FGFR3: variants seen among roughly 807,000 people sequenced by gnomAD.
The protein encoded by FGFR3 is fibroblast growth factor receptor 3.
A neutral mutation model predicts 82.9 loss-of-function variants in FGFR3; 25 were observed. The ratio of observed to expected loss-of-function variants is 0.30; its 90% CI spans 0.22 to 0.42. The LOEUF (loss-of-function observed/expected upper bound fraction) is 0.42, where lower values mean the gene tolerates loss of function less well. Among genes scored for constraint, FGFR3 ranks in the 10% least tolerant of loss-of-function variants. FGFR3 has a pLI of 1.00. For missense variants in FGFR3, 1,026 were observed against 1,161.0 expected, an observed-to-expected ratio of 0.88 and a Z score of 1.69; for synonymous variants, 620 against 516.0, an observed-to-expected ratio of 1.20 and a Z score of -2.73.
At chr4:1,797,291 C>G (rs901459177) in intron 2 of FGFR3, among the ~76,000 whole-genome samples, 1 of 152,190 alleles carries the variant, frequency 6.6e-6, no homozygotes, top group Non-Finnish European at 1.5e-5. Context: ...ACTTATAGCA[C>G]CCACTCATGC....
chr4:1,804,959 T>G lies in FGFR3; in HGVS notation c.1402T>G (p.Ser468Ala). ...ELPADPKWEL[S>A]RARLTLGKPL... ...GCCTGCCGACCCCAAATGGGAGCTG[T>G]CTCGGGCCCGGTCAGTGGTGCTGAG... The change falls in exon 10 of 18, where the codon TCT becomes GCT. Residue 468 changes from serine (S) to alanine (A), a missense_variant. Ser to Ala is a moderately conservative substitution (Grantham distance 99). Coordinates refer to ENST00000440486, the MANE Select transcript of FGFR3 (RefSeq NM_000142.5). The G allele has an allele frequency of 6.5e-7, 1 of 1,549,942 alleles. No homozygotes were observed. Among genetic ancestry groups the G allele is most frequent in the Non-Finnish European group, 8.7e-7 (1 of 1,146,654 alleles).
chr4:1,797,953 C>T (rs935085731), intron 2 of FGFR3, among the ~76,000 whole-genome samples: 12 of 152,148 alleles, frequency 7.9e-5, no homozygotes, highest in Non-Finnish European at 1.8e-4. Flanking sequence ...CACGCGTCTG[C>T]AGAATGACAA....
chr4:1,797,763 G>A (rs3135859), intron 2 of FGFR3, among the ~76,000 whole-genome samples: 1 of 152,234 alleles, frequency 6.6e-6, no homozygotes, highest in Non-Finnish European at 1.5e-5. Context: ...TGTGGGTCCC[G>A]GTGGGGCGAG....
intron 2 of FGFR3, among the ~76,000 whole-genome samples, chr4:1,796,405 C>T (rs945886446): frequency 6.6e-6 from 1 of 152,128 alleles, no homozygotes; most frequent in African/African-American, 2.4e-5. Context: ...GGGCCCCCTC[C>T]TCTTAGGCTA....
chr4:1,799,157 C>T lies in FGFR3; in HGVS notation c.110-97C>T, dbSNP rs912060850. 3.2e-6 allele frequency: 5 copies of T among 1,558,858 alleles called. No homozygotes were observed. The African/African-American group carries it at 5.4e-5, about 17-fold the overall frequency. On this transcript the variant is annotated intron_variant, in intron 2 of 17. Coordinates refer to ENST00000440486, the MANE Select transcript of FGFR3 (RefSeq NM_000142.5). The stretch of plus-strand genomic sequence containing the variant: ...TGGGACCCTGGATCTGGGTCAGAGC[C>T]TTCCTCACTCAGGGCCGCCGAGGCT...
chr4:1,801,237 C>A, intron 4 of FGFR3, 130 bp from the exon 5 acceptor site: 1 of 1,061,006 alleles, frequency 9.4e-7, no homozygotes, highest in Non-Finnish European at 1.4e-6. Flanking sequence ...GAACCTCATC[C>A]CGCCCTCTTC....
intron 4 of FGFR3, among the ~76,000 whole-genome samples, chr4:1,800,151 C>T (rs533296606): frequency 2.6e-4 from 40 of 151,990 alleles, no homozygotes; most frequent in Non-Finnish European, 5.1e-4. Flanking sequence ...CAGACATTAG[C>T]GCAGCAGGGC....
intron 5 of FGFR3, 26 bp from the exon 6 acceptor site, chr4:1,801,590 GCTCA>G (rs745530823): frequency 2.5e-6 from 4 of 1,593,074 alleles, no homozygotes; most frequent in Non-Finnish European, 3.4e-6. Context: ...TGCTGCCTCC[GCTCA>G]CTCACCCGCC....
chr4:1,794,001 G>C lies in FGFR3; in HGVS notation c.67G>C (p.Glu23Gln), dbSNP rs1577253714. The change falls in exon 2 of 18, where the codon GAG (glutamate) becomes CAG (glutamine). Residue 23 changes from glutamate (E) to glutamine (Q), a missense_variant. Glu to Gln is a conservative substitution (Grantham distance 29, BLOSUM62 2). This residue lies in a region of FGFR3 where 226 missense variants were observed against 222.0 expected (regional missense o/e 1.02). Coordinates refer to ENST00000440486, the MANE Select transcript of FGFR3 (RefSeq NM_000142.5). ...AVAIVAGASS[E>Q]SLGTEQRVVG... ...GGCCATCGTGGCCGGCGCCTCCTCG[G>C]AGTCCTTGGGGACGGAGCAGCGCGT... 5 of 1,398,782 alleles carry C rather than the reference G, an allele frequency of 3.6e-6. No individual in the cohort carries two copies. Among genetic ancestry groups the C allele is most frequent in the Non-Finnish European group, 4.7e-6 (5 of 1,064,420 alleles). 86.6% of individuals were successfully genotyped at this position (1,398,782 alleles called of 1,614,324 possible).
rs144953313 is a variant in FGFR3, at chr4:1,807,938, C to G, written c.*676C>G. 1 of 262,138 alleles carries G rather than the reference C, an allele frequency of 3.8e-6. No individual in the cohort carries two copies. Among genetic ancestry groups the G allele is most frequent in the Admixed American group, 5.0e-5 (1 of 20,066 alleles). 16.2% of individuals were successfully genotyped at this position (262,138 alleles called of 1,614,324 possible). On this transcript the variant is annotated 3_prime_UTR_variant, in exon 18 of 18. Transcript: ENST00000440486. ...ATAACATATATGGAAGAGGAAAAGG[C>G]TGGTACAACGGAGGCCTGCGACCCT...
Position 1,801,733 on chromosome 4 carries a change from G to A in FGFR3, c.729G>A (p.Leu243=), listed in dbSNP as rs2108782373. 6.2e-7 allele frequency: 1 copy of A among 1,605,582 alleles called. No individual in the cohort carries two copies. The highest frequency in any genetic ancestry group is 2.2e-5 in the East Asian group (1 of 44,536). Residue 243 remains leucine (L), a synonymous_variant, in exon 6 of 18, where the codon CTG becomes CTA. Transcript: ENST00000440486. ...GCAGCATCCGGCAGACGTACACGCT[G>A]GACGTGCTGGGTGAGGGCCCTGGGG... ...KFGSIRQTYT[L]DVLERSPHRP...
chr4:1,806,942 C>T lies in FGFR3; in HGVS notation c.2274+8C>T, dbSNP rs1326305524. On this transcript the variant is annotated splice_region_variant and intron_variant, in intron 17 of 17. Transcript: ENST00000440486. ...ACCGTGACGTCCACCGACGTGAGTG[C>T]TGGCTCTGGCCTGGTGCCACCCGCC... 1.3e-6 allele frequency: 2 copies of T among 1,591,532 alleles called. No individual in the cohort carries two copies. The highest frequency in any genetic ancestry group is 4.6e-5 in the East Asian group (2 of 43,656).
In FGFR3 at chr4:1,805,453, C is replaced by A; in HGVS notation, c.1511C>A (p.Thr504Asn). 1 of 1,612,116 alleles carries A rather than the reference C, an allele frequency of 6.2e-7. No individual in the cohort carries two copies. The highest frequency in any genetic ancestry group is 1.1e-5 in the South Asian group (1 of 91,030). The change falls in exon 11 of 18, where the codon ACC becomes AAC. Residue 504 changes from threonine to asparagine, a missense_variant. Around this residue, in one of 9 missense-constraint regions of FGFR3, gnomAD observed 164 missense variants for 167.5 expected, o/e 0.98. Transcript: ENST00000440486. ...AAGGACCGGGCCGCCAAGCCTGTCA[C>A]CGTAGCCGTGAAGATGCTGAAAGGT... ...IDKDRAAKPV[T>N]VAVKMLKDDA...
chr4:1,805,105 G>A, intron 10 of FGFR3, 136 bp downstream of exon 10: 1 of 1,377,332 alleles, frequency 7.3e-7, no homozygotes. Flanking sequence ...GGGTTCTGTG[G>A]AGATGCTCCT....
intron 17 of FGFR3, 42 bp from the exon 18 acceptor site, chr4:1,807,074 G>GGGGCTCGGT (rs1192709005): frequency 6.4e-7 from 1 of 1,555,594 alleles, no homozygotes; most frequent in African/African-American, 1.4e-5. Flanking sequence ...TGTGCGAAGA[G>GGGGCTCGGT]GGGCTCGGTG....
chr4:1,799,683 G>A (rs1344026659), intron 3 of FGFR3, 64 bp from the exon 4 acceptor site: 2 of 1,596,964 alleles, frequency 1.3e-6, no homozygotes, highest in Non-Finnish European at 1.7e-6. Flanking sequence ...CCCCATCTGG[G>A]AGGGGCACCT....
At position 1,806,434 on chromosome 4, in the gene FGFR3, G is replaced by A; in HGVS notation, c.2030+107G>A. 7 of 1,605,354 alleles carry A rather than the reference G, an allele frequency of 4.4e-6. No homozygotes were observed. The African/African-American group carries it at 5.3e-5, about 12-fold the overall frequency. On this transcript the variant is annotated intron_variant, in intron 15 of 17. Transcript: ENST00000440486. The stretch of plus-strand genomic sequence containing the variant: ...CTGTGCCCTGGAGCTCCTGGGTGTG[G>A]TTTCTACCCCTCCCTGGGGGCAGCA...
intron 2 of FGFR3, among the ~76,000 whole-genome samples, chr4:1,794,771 G>T (rs3135839): frequency 3.7e-3 from 569 of 152,058 alleles, no homozygotes; most frequent in Non-Finnish European, 6.5e-3. Flanking sequence ...TTCCTCGTGG[G>T]CCGGGCCGAG....
At chr4:1,799,929 C>T (rs1157685513) in intron 4 of FGFR3, 117 bp downstream of exon 4, 3 of 1,153,008 alleles carry the variant, frequency 2.6e-6, no homozygotes, top group Admixed American at 2.3e-5. Context: ...CCTGGGGTCA[C>T]CCCGAAGGTC....
Sources: allele counts gnomAD v4.1 joint callset (sites outside exome capture counted in the v4.1 genomes callset), GRCh38; gene constraint gnomAD v4.1.1; regional missense constraint gnomAD v4.1.1; transcripts MANE v1.5; gene names NCBI Gene and HGNC (gene_info 2026-07-23, HGNC 2026-07-21).